The following DPP6 variants were observed in gnomAD, a reference collection of about 807,000 sequenced individuals.
DPP6 encodes A-type potassium channel modulatory protein DPP6.
Under a neutral mutation model 122.6 loss-of-function variants are expected in DPP6, and 69 were observed. The observed-to-expected ratio is 0.56, with a 90% CI of 0.46 to 0.69. The LOEUF is 0.69. Among genes scored for constraint, DPP6 ranks in the 30% least tolerant of loss-of-function variants. The pLI is 0.00. For synonymous variants in DPP6, 418 were observed against 433.1 expected (o/e 0.97, Z 0.43); for missense variants, 928 against 1,116.9 (o/e 0.83, Z 2.41).
chr7:154,879,299 G>A lies in DPP6; in HGVS notation c.2079-1589G>A, dbSNP rs376800744. Among the ~76,000 whole-genome samples, 6 of 92,668 alleles carry A rather than the reference G, an allele frequency of 6.5e-5. 1 individual carries two copies. The highest frequency in any genetic ancestry group is 2.3e-3 in the East Asian group (2 of 878). The allele number at this position is 92,668 out of a possible 152,430, so 60.8% of individuals were successfully genotyped here. A position where few individuals can be genotyped will look rare whatever the true frequency, so the allele number is the denominator to read the frequency against. On this transcript the variant is annotated intron_variant, in intron 20 of 25. Coordinates refer to ENST00000377770, the MANE Select transcript of DPP6 (RefSeq NM_130797.4). ...CGTCTCTATTAAAAACACAAAAATC[G>A]GCCGGGCGCGGTGGCTCACGCCTGT...
At chr7:154,611,579 C>G (rs1833912694) in intron 5 of DPP6, among the ~76,000 whole-genome samples, 1 of 151,890 alleles carries the variant, frequency 6.6e-6, no homozygotes, top group South Asian at 2.1e-4. Context: ...CCATTCTTTA[C>G]CAATAGAAGA....
In DPP6 at chr7:154,823,456, G is replaced by A. The variant is rs77055517; in HGVS notation, c.1666+16344G>A. Among the ~76,000 whole-genome samples the A allele has an allele frequency of 6.7e-3, 1,020 of 152,272 alleles. 15 individuals carry two copies. The highest frequency in any genetic ancestry group is 0.023 in the African/African-American group (965 of 41,556). ...ATGGGTCTGAATGAATTTTCAAAGT[G>A]AATACATAGACCTTATTGGCAACTT... On this transcript the variant is annotated intron_variant, in intron 16 of 25. Transcript: ENST00000377770.
chr7:154,198,924 T>C (rs1799016564), intron 1 of DPP6, among the ~76,000 whole-genome samples: 1 of 152,180 alleles, frequency 6.6e-6, no homozygotes, highest in African/African-American at 2.4e-5. Flanking sequence ...TTTTCCTGGC[T>C]TTCCCTGCTA....
At chr7:154,789,694 G>A (rs1490575997) in intron 10 of DPP6, among the ~76,000 whole-genome samples, 8 of 152,218 alleles carry the variant, frequency 5.3e-5, no homozygotes, top group Admixed American at 2.0e-4. Flanking sequence ...TGTGCTGTTT[G>A]TGAGCAAGTA....
In DPP6 at chr7:154,555,479, G is replaced by C. The variant is rs373535574; in HGVS notation, c.553-11363G>C. On this transcript the variant is annotated intron_variant, in intron 4 of 25. Transcript: ENST00000377770. ...CGGCGACTGTTGTGGGGTGGGGGAA[G>C]GGGGGACGGATAGCATTAGGAGATA... Among the ~76,000 whole-genome samples the C allele has an allele frequency of 1.1e-4, 16 of 152,064 alleles. 1 individual carries two copies. In the East Asian group the frequency reaches 1.9e-3, roughly 18 times the overall value.
chr7:153,825,174 A>T, the DPP6 span, among the ~76,000 whole-genome samples: 1 of 151,578 alleles, frequency 6.6e-6, no homozygotes, highest in Non-Finnish European at 1.5e-5. Flanking sequence ...TCTTCCTTTC[A>T]TTTTCTTTGC....
At chr7:154,208,490 T>G (rs1799572853) in intron 1 of DPP6, among the ~76,000 whole-genome samples, 1 of 152,240 alleles carries the variant, frequency 6.6e-6, no homozygotes, top group African/African-American at 2.4e-5. Context: ...TATTTGTCAC[T>G]GCCTAGTTAT....
chr7:153,963,773 C>T (rs1269091783), intron 1 of DPP6, among the ~76,000 whole-genome samples: 2 of 152,146 alleles, frequency 1.3e-5, no homozygotes, highest in African/African-American at 4.8e-5. Context: ...ATCCCGAAGC[C>T]ATCCCCACCC....
At chr7:154,401,198 GA>G (rs201846972) in intron 1 of DPP6, among the ~76,000 whole-genome samples, 7 of 137,864 alleles carry the variant, frequency 5.1e-5, no homozygotes, top group South Asian at 2.2e-4. Context: ...CTCCATCTCA[GA>G]AAAAACAAAA....
intron 9 of DPP6, among the ~76,000 whole-genome samples, chr7:154,770,477 G>C (rs960047215): frequency 6.6e-6 from 1 of 152,108 alleles, no homozygotes; most frequent in Admixed American, 6.5e-5. Flanking sequence ...TTATAAAAGA[G>C]ACCCCAGAGA....
intron 3 of DPP6, among the ~76,000 whole-genome samples, chr7:154,510,208 C>A (rs775818540): frequency 6.6e-6 from 1 of 152,162 alleles, no homozygotes; most frequent in Non-Finnish European, 1.5e-5. Context: ...TCCTTAGAAA[C>A]CAAGTTCTGA....
chr7:153,964,262 C>T (rs1795517569), intron 1 of DPP6, among the ~76,000 whole-genome samples: 1 of 152,164 alleles, frequency 6.6e-6, no homozygotes, highest in African/African-American at 2.4e-5. Flanking sequence ...TCCCAAAGTG[C>T]TGAGATTACA....
chr7:154,285,719 C>T (rs1466628645), intron 1 of DPP6, among the ~76,000 whole-genome samples: 1 of 152,194 alleles, frequency 6.6e-6, no homozygotes, highest in Non-Finnish European at 1.5e-5. Context: ...TTCTATTTCC[C>T]TGAGAAAAGG....
intron 1 of DPP6, among the ~76,000 whole-genome samples, chr7:153,948,679 A>C (rs1359703006): frequency 6.6e-6 from 1 of 151,416 alleles, no homozygotes; most frequent in Admixed American, 6.6e-5. Context: ...AAAATGAACA[A>C]AATATAATAC....
intron 8 of DPP6, among the ~76,000 whole-genome samples, chr7:154,732,831 A>G (rs1311779828): frequency 6.6e-6 from 1 of 152,180 alleles, no homozygotes; most frequent in East Asian, 1.9e-4. Flanking sequence ...ATCATGTTAG[A>G]TGAGACTCTC....
At chr7:154,078,764 C>T (rs1213955827) in intron 1 of DPP6, among the ~76,000 whole-genome samples, 1 of 152,048 alleles carries the variant, frequency 6.6e-6, no homozygotes, top group Non-Finnish European at 1.5e-5. Context: ...ACATGAAAAG[C>T]ATTGGAATCA....
intron 3 of DPP6, among the ~76,000 whole-genome samples, chr7:154,504,896 A>G (rs534752817): frequency 2.7e-4 from 41 of 152,020 alleles, no homozygotes; most frequent in Non-Finnish European, 4.4e-4. Flanking sequence ...TAATATATGC[A>G]TATCTGGGTC....
chr7:154,875,902 C>G lies in DPP6; in HGVS notation c.1884-4C>G, dbSNP rs1301991741. Reference sequence around the variant, plus strand: ...GCCTGCTGAGCCCGGGATTCTCTTTCCAGGGATGGCACCCCAGGCAGCCAG... The same window carrying G: ...GCCTGCTGAGCCCGGGATTCTCTTTGCAGGGATGGCACCCCAGGCAGCCAG... On this transcript the variant is annotated splice_polypyrimidine_tract_variant and splice_region_variant and intron_variant, in intron 19 of 25. Coordinates refer to ENST00000377770, the MANE Select transcript of DPP6 (RefSeq NM_130797.4). The surrounding 1 kb of genome is among the most constrained non-coding windows in gnomAD (Gnocchi z 4.5). 5 of 1,605,810 alleles carry G rather than the reference C, an allele frequency of 3.1e-6. No homozygotes were observed. Among genetic ancestry groups the G allele is most frequent in the Non-Finnish European group, 4.3e-6 (5 of 1,176,440 alleles).
intron 10 of DPP6, among the ~76,000 whole-genome samples, chr7:154,779,048 AC>A (rs1195177062): frequency 4.5e-4 from 30 of 65,948 alleles, no homozygotes; most frequent in Non-Finnish European, 5.6e-4. Flanking sequence ...CACCACAACT[AC>A]CCCCACCATC....
Sources: gnomAD v4.1 joint callset for allele counts (sites outside exome capture counted in the v4.1 genomes callset) on GRCh38, gnomAD v4.1.1 for gene constraint, Gnocchi (gnomAD v3.1) non-coding constraint, MANE v1.5 for transcripts, NCBI Gene and HGNC (gene_info 2026-07-23, HGNC 2026-07-21) for gene names.